USP8: variants seen among roughly 807,000 people sequenced by gnomAD.
USP8 encodes ubiquitin carboxyl-terminal hydrolase 8.
Under a neutral mutation model 130.0 loss-of-function variants are expected in USP8, and 27 were observed. The observed-to-expected ratio is 0.21, with a 90% CI of 0.15 to 0.29. The LOEUF (loss-of-function observed/expected upper bound fraction) is 0.29, where lower values mean the gene tolerates loss of function less well. Among genes scored for constraint, USP8 ranks in the 10% least tolerant of loss-of-function variants. The probability of loss-of-function intolerance (pLI) is 1.00; values close to 1 mark genes in which losing one functional copy is unlikely to be tolerated. For synonymous variants in USP8, 392 were observed against 444.1 expected (o/e 0.88, Z 1.48); for missense variants, 1,029 against 1,312.2 (o/e 0.78, Z 3.33).
At chr15:50,449,946 T>C (rs1595919522) in intron 4 of USP8, among the ~76,000 whole-genome samples, 2 of 130,168 alleles carry the variant, frequency 1.5e-5, no homozygotes, top group Non-Finnish European at 3.1e-5. Flanking sequence ...CAGGCTGGAG[T>C]GCAGTGGCGC....
intron 1 of USP8, among the ~76,000 whole-genome samples, chr15:50,438,311 T>C (rs916141033): frequency 6.6e-5 from 10 of 152,172 alleles, no homozygotes; most frequent in Admixed American, 5.9e-4. Flanking sequence ...TAGCCAGACG[T>C]GGTGGCTTAC....
intron 7 of USP8, among the ~76,000 whole-genome samples, chr15:50,466,143 G>A (rs1490624508): frequency 2.6e-5 from 4 of 152,116 alleles, no homozygotes; most frequent in African/African-American, 9.7e-5. Flanking sequence ...TCACTATTTC[G>A]AGCATTCTTA....
chr15:50,457,872 GAAAAGAAAAGA>G (rs2050844706), intron 4 of USP8, among the ~76,000 whole-genome samples: 1 of 92,440 alleles, frequency 1.1e-5, no homozygotes, highest in African/African-American at 4.2e-5. Flanking sequence ...AAAAAAAAAA[GAAAAGAAAAGA>G]AAAAAAAAAG....
chr15:50,439,219 A>AT (rs1330496243), intron 2 of USP8, 42 bp downstream of exon 2: 7 of 1,242,482 alleles, frequency 5.6e-6, no homozygotes, highest in African/African-American at 4.7e-5. Flanking sequence ...TCAAATATTA[A>AT]TTTTTAGTTC....
intron 4 of USP8, among the ~76,000 whole-genome samples, chr15:50,457,857 T>A: frequency 8.9e-6 from 1 of 112,290 alleles, no homozygotes. Flanking sequence ...CAAGACTCTG[T>A]CTCAAAAAAA....
chr15:50,459,996 C>CCCT (rs567135111), intron 5 of USP8, among the ~76,000 whole-genome samples: 93 of 92,018 alleles, frequency 1.0e-3, no homozygotes, highest in East Asian at 2.9e-3. Context: ...CACCCCCCCC[C>CCCT]TTTTTTTTTT....
chr15:50,459,414 ACT>A (rs1318666816), intron 5 of USP8, among the ~76,000 whole-genome samples: 1 of 151,966 alleles, frequency 6.6e-6, no homozygotes, highest in African/African-American at 2.4e-5. Context: ...CGAAACCCCG[ACT>A]CTACTAAAAA....
At position 50,511,216 on chromosome 15, in the gene USP8, G is replaced by A. The variant is rs2052735585; in HGVS notation, c.*12128G>A. ...TTAGGAAAATGCAACTCAAAACCAT[G>A]ACATACCAGTTCATACCTACTTTGT... On this transcript the variant is annotated 3_prime_UTR_variant, in exon 20 of 20. Coordinates refer to ENST00000307179, the MANE Select transcript of USP8 (RefSeq NM_005154.5). 6.6e-6 allele frequency: 1 copy of A among 152,176 alleles called. No individual in the cohort carries two copies. The highest frequency in any genetic ancestry group is 2.4e-5 in the African/African-American group (1 of 41,430). The allele number at this position is 152,176 out of a possible 1,614,324, so 9.4% of individuals were successfully genotyped here. A position where few individuals can be genotyped will look rare whatever the true frequency, so the allele number is the denominator to read the frequency against.
At chr15:50,470,412 C>T (rs2051336749) in intron 7 of USP8, among the ~76,000 whole-genome samples, 1 of 152,010 alleles carries the variant, frequency 6.6e-6, no homozygotes, top group African/African-American at 2.4e-5. Flanking sequence ...ATGAGTGATG[C>T]AGCTATCTGA....
rs745966317 is a variant in USP8 at position 50,489,895 on chromosome 15, T to A, written c.1971+14T>A. 11 of 1,559,782 alleles carry A rather than the reference T, an allele frequency of 7.1e-6. No individual in the cohort carries two copies. The highest frequency in any genetic ancestry group is 9.5e-6 in the Non-Finnish European group (11 of 1,158,212). ...GGCTGGGCCAAGGTAAAAGTCAGAA[T>A]TAGCAGTAAAATAGCCACTGTGTTC... On this transcript the variant is annotated intron_variant, in intron 13 of 19. Transcript: ENST00000307179.
chr15:50,481,435 T>A (rs755852113), intron 10 of USP8, 46 bp from the exon 11 acceptor site: 1 of 1,385,708 alleles, frequency 7.2e-7, no homozygotes, highest in Non-Finnish European at 9.6e-7. Context: ...TGAGGTTATT[T>A]CCTGATTTTT....
chr15:50,450,524 T>C (rs1044489501), intron 4 of USP8, among the ~76,000 whole-genome samples: 1 of 137,128 alleles, frequency 7.3e-6, no homozygotes, highest in African/African-American at 2.7e-5. Flanking sequence ...CAGGCTGGAG[T>C]ACAATGGCCT....
intron 12 of USP8, among the ~76,000 whole-genome samples, chr15:50,487,403 T>C (rs1400077666): frequency 2.0e-5 from 3 of 152,070 alleles, no homozygotes; most frequent in Non-Finnish European, 4.4e-5. Flanking sequence ...ATGCCTTCTC[T>C]TCTTCTGACA....
At chr15:50,471,088 C>A (rs1271616965) in intron 7 of USP8, among the ~76,000 whole-genome samples, 1 of 152,134 alleles carries the variant, frequency 6.6e-6, no homozygotes, top group Non-Finnish European at 1.5e-5. Flanking sequence ...GCCTCAGTTT[C>A]CCCAAAATAG....
At chr15:50,485,270 G>A (rs1364916497) in intron 12 of USP8, among the ~76,000 whole-genome samples, 2 of 151,446 alleles carry the variant, frequency 1.3e-5, no homozygotes, top group Admixed American at 6.6e-5. Flanking sequence ...ATGGTGAAAC[G>A]CCGTCTCTAC....
At chr15:50,473,779 G>A (rs1021117861) in intron 8 of USP8, among the ~76,000 whole-genome samples, 1 of 151,424 alleles carries the variant, frequency 6.6e-6, no homozygotes, top group Non-Finnish European at 1.5e-5. Context: ...GATTACAGGC[G>A]TGCACCACTG....
intron 5 of USP8, among the ~76,000 whole-genome samples, chr15:50,460,603 C>T (rs2050960418): frequency 2.0e-5 from 3 of 152,090 alleles, no homozygotes; most frequent in Non-Finnish European, 4.4e-5. Flanking sequence ...GCCACCACTC[C>T]TGGCTTCTCC....
chr15:50,427,458 A>G (rs1239868743), intron 1 of USP8, among the ~76,000 whole-genome samples: 1 of 152,178 alleles, frequency 6.6e-6, no homozygotes, highest in African/African-American at 2.4e-5. Context: ...ATAAATGGAA[A>G]GTAAGGCCTG....
At position 50,510,548 on chromosome 15, in the gene USP8, T is replaced by C. The variant is rs931227834; in HGVS notation, c.*11460T>C. 6.6e-6 allele frequency: 1 copy of C among 152,198 alleles called. No individual in the cohort carries two copies. The highest frequency in any genetic ancestry group is 1.5e-5 in the Non-Finnish European group (1 of 68,020). 9.4% of individuals were successfully genotyped at this position (152,198 alleles called of 1,614,324 possible). ...TGAGTGATGGAATTTTAAATTTTCTTACATATAATTCTGCTATTGTGGGTA... is the reference window on the plus strand; with the variant it reads ...TGAGTGATGGAATTTTAAATTTTCTCACATATAATTCTGCTATTGTGGGTA... On this transcript the variant is annotated 3_prime_UTR_variant, in exon 20 of 20. Coordinates refer to ENST00000307179, the MANE Select transcript of USP8 (RefSeq NM_005154.5).
Sources: allele counts gnomAD v4.1 joint callset (sites outside exome capture counted in the v4.1 genomes callset), GRCh38; gene constraint gnomAD v4.1.1; transcripts MANE v1.5; gene names NCBI Gene and HGNC (gene_info 2026-07-23, HGNC 2026-07-21).